The following PLEKHM1 variants were observed in gnomAD, a reference collection of about 807,000 sequenced individuals.
PLEKHM1 encodes pleckstrin homology and RUN domain containing M1, also known as pleckstrin homology domain-containing family M member 1.
Under a neutral mutation model 94.3 loss-of-function variants are expected in PLEKHM1, and 28 were observed. The ratio of observed to expected loss-of-function variants is 0.30; its 90% CI spans 0.22 to 0.41. The LOEUF is 0.41. Among genes scored for constraint, PLEKHM1 ranks in the 10% least tolerant of loss-of-function variants. The pLI is 1.00. For missense variants in PLEKHM1, 907 were observed against 1,358.6 expected, an observed-to-expected ratio of 0.67 and a Z score of 5.22; for synonymous variants, 424 against 581.2, an observed-to-expected ratio of 0.73 and a Z score of 3.89.
chr17:45,474,564 G>A (rs924673564), intron 4 of PLEKHM1, among the ~76,000 whole-genome samples: 3 of 152,326 alleles, frequency 2.0e-5, no homozygotes, highest in South Asian at 2.1e-4. Flanking sequence ...TTTGTTGGAC[G>A]TTTTAAATGT....
At chr17:45,435,454 C>T (rs2050232249), downstream of PLEKHM1, among the ~76,000 whole-genome samples, 3 of 152,186 alleles carry the variant, frequency 2.0e-5, no homozygotes, top group Admixed American at 1.3e-4. Context: ...AGCCCTGAAT[C>T]GGGGGATCCA....
rs1230316672 is a variant in PLEKHM1 at position 45,437,835 on chromosome 17, A to C, written c.*23T>G. Reference sequence around the variant, plus strand: ...TGAGCCACACTCACCCCCGGCTTTCAGAGCGGGGTCAGCAGATGGGCATCA... The same window carrying C: ...TGAGCCACACTCACCCCCGGCTTTCCGAGCGGGGTCAGCAGATGGGCATCA... On this transcript the variant is annotated 3_prime_UTR_variant, in exon 12 of 12. Coordinates refer to ENST00000430334, the MANE Select transcript of PLEKHM1 (RefSeq NM_014798.3). The surrounding 1 kb of genome is among the most constrained non-coding windows in gnomAD (Gnocchi z 4.0). The C allele has an allele frequency of 6.3e-7, 1 of 1,586,576 alleles. No individual in the cohort carries two copies. The highest frequency in any genetic ancestry group is 1.3e-5 in the African/African-American group (1 of 74,600).
At chr17:45,450,563 A>T in intron 8 of PLEKHM1, 55 bp downstream of exon 8, 1 of 1,606,202 alleles carries the variant, frequency 6.2e-7, no homozygotes, top group African/African-American at 1.3e-5. Flanking sequence ...AGCAGCAAAG[A>T]GGAGTGAACA....
chr17:45,443,522 A>C (rs2050510955), intron 9 of PLEKHM1, among the ~76,000 whole-genome samples: 1 of 152,214 alleles, frequency 6.6e-6, no homozygotes, highest in Non-Finnish European at 1.5e-5. Context: ...GCTGCTGCCC[A>C]GGGATGGAGC....
At chr17:45,479,390 C>T (rs2051864177) in intron 2 of PLEKHM1, among the ~76,000 whole-genome samples, 1 of 152,106 alleles carries the variant, frequency 6.6e-6, no homozygotes, top group African/African-American at 2.4e-5. Flanking sequence ...GTGGTGGCAG[C>T]GCCTGTAGTC....
chr17:45,489,051 T>G (rs2052221164), intron 1 of PLEKHM1, among the ~76,000 whole-genome samples: 1 of 152,214 alleles, frequency 6.6e-6, no homozygotes, highest in South Asian at 2.1e-4. Context: ...AAACTATAAA[T>G]GCTGAGCATG....
intron 1 of PLEKHM1, among the ~76,000 whole-genome samples, chr17:45,484,975 C>T (rs1230457240): frequency 6.6e-6 from 1 of 151,132 alleles, no homozygotes; most frequent in Non-Finnish European, 1.5e-5. Flanking sequence ...GCCAACCTCC[C>T]TAAGTCAGGT....
rs1168701198 is a variant in PLEKHM1 at position 45,445,035 on chromosome 17, G to A, written c.2837+435C>T. ...CCAGGCCAGAGACTTCCGGCGGGTC[G>A]GCCCTGGCTCTGTCCTGCTCATTGT... On this transcript the variant is annotated intron_variant, in intron 9 of 11. Coordinates refer to ENST00000430334, the MANE Select transcript of PLEKHM1 (RefSeq NM_014798.3). The surrounding 1 kb of genome is among the most constrained non-coding windows in gnomAD (Gnocchi z 4.2). Among the ~76,000 whole-genome samples, 4 of 152,220 alleles carry A rather than the reference G, an allele frequency of 2.6e-5. No individual in the cohort carries two copies. The highest frequency in any genetic ancestry group is 3.9e-4 in the East Asian group (2 of 5,192).
At position 45,439,605 on chromosome 17, in the gene PLEKHM1, G is replaced by A; in HGVS notation, c.2931C>T (p.Leu977=). ...GGGAGGCAAATTCAATCAGGGCCTT[G>A]AGGAATCCTTCATACACCCCGTCTG... is the stretch of plus-strand genomic sequence containing the variant. ...QIADGVYEGF[L]KALIEFASQH... Residue 977 remains leucine, a synonymous_variant, in exon 11 of 12, where the codon CTC becomes CTT. Coordinates refer to ENST00000430334, the MANE Select transcript of PLEKHM1 (RefSeq NM_014798.3). 6.2e-7 allele frequency: 1 copy of A among 1,614,146 alleles called. No individual in the cohort carries two copies. Among genetic ancestry groups the A allele is most frequent in the Non-Finnish European group, 8.5e-7 (1 of 1,179,996 alleles).
intron 8 of PLEKHM1, among the ~76,000 whole-genome samples, chr17:45,446,987 G>A (rs2050626614): frequency 1.3e-5 from 2 of 152,198 alleles, no homozygotes; most frequent in South Asian, 2.1e-4. Context: ...CCCGGCACTC[G>A]GCAGGATGTC....
intron 2 of PLEKHM1, among the ~76,000 whole-genome samples, 176 bp from the exon 3 acceptor site, chr17:45,478,323 A>G (rs1371914340): frequency 6.6e-6 from 1 of 152,268 alleles, no homozygotes; most frequent in Non-Finnish European, 1.5e-5. Flanking sequence ...GCAAAGAAAG[A>G]TAAAGCATAG....
rs755613089 is a variant in PLEKHM1, at chr17:45,445,455, G to A, written c.2837+15C>T. 1.6e-5 allele frequency: 25 copies of A among 1,603,658 alleles called. No individual in the cohort carries two copies. The highest frequency in any genetic ancestry group is 5.3e-5 in the African/African-American group (4 of 74,860). On this transcript the variant is annotated intron_variant, in intron 9 of 11. Transcript: ENST00000430334. This position sits in a 1 kb window ranked among gnomAD's most constrained non-coding sequence, Gnocchi z 4.2. ...TGTACGTGCACTCACACGCATACAC[G>A]TAGAGGTTGCTCACCTCTTGCTGAG...
intron 7 of PLEKHM1, among the ~76,000 whole-genome samples, chr17:45,452,261 AG>A: frequency 6.7e-6 from 1 of 150,128 alleles, no homozygotes; most frequent in East Asian, 2.0e-4. Flanking sequence ...CTATGAGCAA[AG>A]GCTCTGGGGC....
chr17:45,467,895 T>C (rs1003071666), intron 5 of PLEKHM1, among the ~76,000 whole-genome samples: 2 of 152,192 alleles, frequency 1.3e-5, no homozygotes, highest in Non-Finnish European at 2.9e-5. Context: ...GTTAAAGAGC[T>C]GAGACTGCGG....
rs555927246 is a variant in PLEKHM1, at chr17:45,487,569, T to C, written c.-42+3083A>G. Among the ~76,000 whole-genome samples, 6 of 152,308 alleles carry C rather than the reference T, an allele frequency of 3.9e-5. No individual in the cohort carries two copies. In the South Asian group the frequency reaches 1.2e-3, roughly 32 times the overall value. On this transcript the variant is annotated intron_variant, in intron 1 of 11. Coordinates refer to ENST00000430334, the MANE Select transcript of PLEKHM1 (RefSeq NM_014798.3). ...CCAGGTCCTACCAATGCTCCTAAAGTCTCAGAGCTATACTTTCTTAAATGT... is the reference window on the plus strand; with the variant it reads ...CCAGGTCCTACCAATGCTCCTAAAGCCTCAGAGCTATACTTTCTTAAATGT...
At chr17:45,439,426 G>A in intron 11 of PLEKHM1, 51 bp downstream of exon 11, 1 of 1,604,296 alleles carries the variant, frequency 6.2e-7, no homozygotes, top group South Asian at 1.1e-5. Context: ...CCAGGCTGTG[G>A]GTGTGGGGAA....
At position 45,449,546 on chromosome 17, in the gene PLEKHM1, C is replaced by A. The variant is rs1050541215; in HGVS notation, c.2643+1072G>T. 3.3e-5 allele frequency among the ~76,000 whole-genome samples: 5 copies of A among 152,000 alleles called. 1 individual carries two copies. The highest frequency in any genetic ancestry group is 1.2e-4 in the African/African-American group (5 of 41,332). ...CCTATCTAGGCACCCATCTACCTAC[C>A]TATCCACCCATTCACCAATCTACCC... On this transcript the variant is annotated intron_variant, in intron 8 of 11. Coordinates refer to ENST00000430334, the MANE Select transcript of PLEKHM1 (RefSeq NM_014798.3).
intron 4 of PLEKHM1, among the ~76,000 whole-genome samples, chr17:45,472,566 GGTCACACTGCAGGCCTGTC>G (rs1437726144): frequency 6.6e-6 from 1 of 152,154 alleles, no homozygotes; most frequent in African/African-American, 2.4e-5. Flanking sequence ...CCTGTGCCTG[GGTCACACTGCAGGCCTGTC>G]ATGCCATGGT....
chr17:45,442,354 G>T (rs1289139646), intron 9 of PLEKHM1, among the ~76,000 whole-genome samples: 1 of 152,118 alleles, frequency 6.6e-6, no homozygotes, highest in Admixed American at 6.5e-5. Flanking sequence ...GCCACCCAGG[G>T]CTCTCCCCTT....
Sources: allele counts gnomAD v4.1 joint callset (sites outside exome capture counted in the v4.1 genomes callset), GRCh38; gene constraint gnomAD v4.1.1; non-coding constraint Gnocchi (gnomAD v3.1); transcripts MANE v1.5; gene names NCBI Gene and HGNC (gene_info 2026-07-23, HGNC 2026-07-21).